Variants in ETFBKMT observed in about 807,000 individuals in gnomAD.
ETFBKMT encodes electron transfer flavoprotein subunit beta lysine methyltransferase.
A neutral mutation model predicts 18.3 loss-of-function variants in ETFBKMT; 13 were observed. The observed-to-expected ratio is 0.71, with a 90% confidence interval of 0.46 to 1.13. ETFBKMT has a LOEUF of 1.13. ETFBKMT is among the 50% of genes most tolerant of loss of function. The pLI is 0.00. For missense variants in ETFBKMT, 293 were observed against 306.2 expected, an observed-to-expected ratio of 0.96 and a Z score of 0.32; for synonymous variants, 84 against 107.9, an observed-to-expected ratio of 0.78 and a Z score of 1.37.
chr12:31,662,431 C>G (rs529257411), intron 2 of ETFBKMT, among the ~76,000 whole-genome samples, 164 bp downstream of exon 2: 3 of 152,146 alleles, frequency 2.0e-5, no homozygotes, highest in Non-Finnish European at 4.4e-5. Context: ...CCACTGCACT[C>G]TCGCCTGGCC....
chr12:31,665,832 T>C (rs569512213), intron 2 of ETFBKMT, among the ~76,000 whole-genome samples: 28 of 152,378 alleles, frequency 1.8e-4, no homozygotes, highest in Non-Finnish European at 3.4e-4. Flanking sequence ...AGATCGCCCA[T>C]GCTATTGTTT....
At chr12:31,663,728 T>G (rs1951159635) in intron 2 of ETFBKMT, among the ~76,000 whole-genome samples, 1 of 152,206 alleles carries the variant, frequency 6.6e-6, no homozygotes, top group Non-Finnish European at 1.5e-5. Flanking sequence ...CCCAGTTTGT[T>G]ATAGTTCATG....
At chr12:31,650,714 A>G (rs1462306168) in intron 1 of ETFBKMT, among the ~76,000 whole-genome samples, 2 of 150,982 alleles carry the variant, frequency 1.3e-5, no homozygotes, top group Non-Finnish European at 2.9e-5. Flanking sequence ...GTTAGTTCAA[A>G]GACCTTTGCA....
At chr12:31,661,279 A>G (rs569391807) in intron 1 of ETFBKMT, among the ~76,000 whole-genome samples, 3 of 152,310 alleles carry the variant, frequency 2.0e-5, no homozygotes, top group Admixed American at 1.3e-4. Flanking sequence ...GATTTCCTGT[A>G]AGAGGCATTT....
In ETFBKMT at chr12:31,671,637, A is replaced by C. The variant is rs1261343413; in HGVS notation, c.*3647A>C. 3 of 152,214 alleles carry C rather than the reference A, an allele frequency of 2.0e-5. No homozygotes were observed. The highest frequency in any genetic ancestry group is 2.9e-5 in the Non-Finnish European group (2 of 68,028). 9.4% of individuals were successfully genotyped at this position (152,214 alleles called of 1,614,324 possible). On this transcript the variant is annotated 3_prime_UTR_variant, in exon 4 of 4. Coordinates refer to ENST00000357721, the MANE Select transcript of ETFBKMT (RefSeq NM_001135863.2). ...CACATTTTTGAATGCAATTTTGCTAAGGAAGGAAAGCTTACAGATGCATAA... is the reference window on the plus strand; with the variant it reads ...CACATTTTTGAATGCAATTTTGCTACGGAAGGAAAGCTTACAGATGCATAA...
intron 1 of ETFBKMT, among the ~76,000 whole-genome samples, chr12:31,650,529 C>A (rs1951007423): frequency 6.6e-6 from 1 of 151,734 alleles, no homozygotes; most frequent in Non-Finnish European, 1.5e-5. Context: ...TGATTTCTTT[C>A]TTGCGTGAGA....
chr12:31,661,751 G>A (rs779497221), intron 1 of ETFBKMT, 90 bp from the exon 2 acceptor site: 27 of 553,936 alleles, frequency 4.9e-5, no homozygotes, highest in South Asian at 2.2e-4. Flanking sequence ...GAGCCACCGC[G>A]CCCGGCCAAT....
rs1194520816 is a variant in ETFBKMT at position 31,664,150 on chromosome 12, T to C, written c.314+1883T>C. Among the ~76,000 whole-genome samples the C allele has an allele frequency of 3.3e-5, 5 of 151,964 alleles. No homozygotes were observed. In the South Asian group the frequency reaches 6.2e-4, roughly 19 times the overall value. The stretch of plus-strand genomic sequence containing the variant: ...ATTCTCCTGCCTCAGTAGTACCCAC[T>C]GTTCCTTATTACTCCAATCCGAAGA... On this transcript the variant is annotated intron_variant, in intron 2 of 3. Coordinates refer to ENST00000357721, the MANE Select transcript of ETFBKMT (RefSeq NM_001135863.2).
rs906381413 is a variant in ETFBKMT, at chr12:31,672,150, C to G, written c.*4160C>G. ...AGTAAAGCACAAACCATGTATATAC[C>G]AAGACTTAGCTAATTCTCTGAGAGT... On this transcript the variant is annotated 3_prime_UTR_variant, in exon 4 of 4. Transcript: ENST00000357721. 5.0e-6 allele frequency: 3 copies of G among 601,638 alleles called. No homozygotes were observed. Among genetic ancestry groups the G allele is most frequent in the Non-Finnish European group, 8.9e-6 (3 of 338,784 alleles). 37.3% of individuals were successfully genotyped at this position (601,638 alleles called of 1,614,324 possible).
At position 31,662,242 on chromosome 12, in the gene ETFBKMT, T is replaced by C. The variant is rs753252513; in HGVS notation, c.289T>C (p.Trp97Arg). The C allele has an allele frequency of 3.0e-5, 49 of 1,614,072 alleles. No individual in the cohort carries two copies. In the East Asian group the frequency reaches 5.1e-4, roughly 17 times the overall value. Residue 97 changes from tryptophan (W) to arginine (R), a missense_variant, in exon 2 of 4, where the codon TGG (tryptophan) becomes CGG (arginine). Coordinates refer to ENST00000357721, the MANE Select transcript of ETFBKMT (RefSeq NM_001135863.2). ...CAGTGATCCTTACTGGGCAATCTACTGGCCAGGAGGCCAAGCCCTGTCTAG... is the reference window on the plus strand; with the variant it reads ...CAGTGATCCTTACTGGGCAATCTACCGGCCAGGAGGCCAAGCCCTGTCTAG... Reference protein sequence around the residue: ...PHSDPYWAIYWPGGQALSRYL... With the variant: ...PHSDPYWAIYRPGGQALSRYL...
At chr12:31,657,791 C>CAAAAAA (rs777612236), upstream of ETFBKMT, among the ~76,000 whole-genome samples, 51 of 45,974 alleles carry the variant, frequency 1.1e-3, no homozygotes, top group East Asian at 1.9e-3. Flanking sequence ...GACTTCATCT[C>CAAAAAA]AAAAAAAAAA....
upstream of ETFBKMT, chr12:31,659,171 T>TG (rs1268868655): frequency 2.0e-5 from 3 of 152,348 alleles, no homozygotes; most frequent in Admixed American, 6.5e-5. Context: ...AAAGCGCTGC[T>TG]GGGAAAAAGG....
At chr12:31,666,609 C>G (rs181620761) in intron 3 of ETFBKMT, among the ~76,000 whole-genome samples, 1 of 152,126 alleles carries the variant, frequency 6.6e-6, no homozygotes, top group South Asian at 2.1e-4. Context: ...CTGGTCTACC[C>G]TTTCACTGAG....
At chr12:31,661,258 A>C (rs1399803010) in intron 1 of ETFBKMT, among the ~76,000 whole-genome samples, 2 of 152,200 alleles carry the variant, frequency 1.3e-5, no homozygotes, top group African/African-American at 2.4e-5. Flanking sequence ...CTGAAGGATG[A>C]CTGTATGGCT....
intron 1 of ETFBKMT, among the ~76,000 whole-genome samples, chr12:31,660,638 AAG>A (rs746921135): frequency 7.9e-4 from 120 of 152,330 alleles, no homozygotes; most frequent in Non-Finnish European, 1.5e-3. Context: ...CTTTTACAGA[AAG>A]AGATTTAGGA....
intron 1 of ETFBKMT, among the ~76,000 whole-genome samples, chr12:31,661,616 C>T (rs1330697404): frequency 4.6e-5 from 7 of 152,098 alleles, no homozygotes; most frequent in Admixed American, 2.6e-4. Context: ...CCCGCCACCA[C>T]GCCTGGCTAA....
At chr12:31,663,326 C>T (rs1951152259) in intron 2 of ETFBKMT, among the ~76,000 whole-genome samples, 2 of 151,860 alleles carry the variant, frequency 1.3e-5, no homozygotes, top group African/African-American at 2.4e-5. Context: ...CTTCTGACCT[C>T]GTGATCCGCC....
intron 2 of ETFBKMT, among the ~76,000 whole-genome samples, chr12:31,664,616 C>CTTT (rs59300091): frequency 3.8e-4 from 51 of 132,994 alleles, no homozygotes; most frequent in East Asian, 1.1e-3. Context: ...CTTTTTCTTT[C>CTTT]TTTTTTTTTT....
At position 31,671,708 on chromosome 12, in the gene ETFBKMT, G is replaced by T. The variant is rs527404000; in HGVS notation, c.*3718G>T. The T allele has an allele frequency of 6.6e-6, 1 of 152,284 alleles. No individual in the cohort carries two copies. Among genetic ancestry groups the T allele is most frequent in the Admixed American group, 6.5e-5 (1 of 15,284 alleles). 9.4% of individuals were successfully genotyped at this position (152,284 alleles called of 1,614,324 possible). A position where few individuals can be genotyped will look rare whatever the true frequency, so the allele number is the denominator to read the frequency against. ...CCATAAAAATCAATGAATGGATGTGGCTGGGCAAGAGCCTCTGTAATACTA... is the reference window on the plus strand; with the variant it reads ...CCATAAAAATCAATGAATGGATGTGTCTGGGCAAGAGCCTCTGTAATACTA... On this transcript the variant is annotated 3_prime_UTR_variant, in exon 4 of 4. Transcript: ENST00000357721.
Sources: gnomAD v4.1 joint callset for allele counts (sites outside exome capture counted in the v4.1 genomes callset) on GRCh38, gnomAD v4.1.1 for gene constraint, MANE v1.5 for transcripts, NCBI Gene and HGNC (gene_info 2026-07-23, HGNC 2026-07-21) for gene names.